The following EXOC4 variants were observed in gnomAD, a reference collection of about 807,000 sequenced individuals.
EXOC4 encodes the protein SEC8-like 1.
In EXOC4, 71 loss-of-function variants were observed where a neutral mutation model predicts 107.2. The ratio of observed to expected loss-of-function variants is 0.66; its 90% CI spans 0.55 to 0.81. EXOC4 has a LOEUF of 0.81. Ranked by LOEUF, EXOC4 falls within the 30% of genes least tolerant of loss-of-function variation. EXOC4 has a pLI of 0.00. For synonymous variants in EXOC4, 456 were observed against 441.2 expected, an observed-to-expected ratio of 1.03 and a Z score of -0.42; for missense variants, 1,108 against 1,189.6, an observed-to-expected ratio of 0.93 and a Z score of 1.01.
intron 7 of EXOC4, among the ~76,000 whole-genome samples, chr7:133,394,635 A>G (rs771929473): frequency 6.6e-6 from 1 of 152,182 alleles, no homozygotes; most frequent in Non-Finnish European, 1.5e-5. Context: ...ACAACTCCTG[A>G]CCTACTATAC....
At chr7:133,603,972 T>A (rs1801871713) in intron 9 of EXOC4, among the ~76,000 whole-genome samples, 2 of 152,186 alleles carry the variant, frequency 1.3e-5, no homozygotes, top group Admixed American at 1.3e-4. Flanking sequence ...TTTCATTATA[T>A]CCTTATTCTG....
chr7:133,679,481 G>A, intron 10 of EXOC4, among the ~76,000 whole-genome samples: 1 of 152,080 alleles, frequency 6.6e-6, no homozygotes, highest in Admixed American at 6.6e-5. Context: ...GCTGCTGAGA[G>A]CAGAGCCTTT....
intron 15 of EXOC4, among the ~76,000 whole-genome samples, chr7:134,001,896 A>G (rs1410355778): frequency 6.6e-6 from 1 of 152,214 alleles, no homozygotes; most frequent in Non-Finnish European, 1.5e-5. Context: ...GTCTCATGCT[A>G]TTTTACATGG....
intron 9 of EXOC4, among the ~76,000 whole-genome samples, chr7:133,523,265 T>C (rs983698178): frequency 2.6e-5 from 4 of 152,274 alleles, no homozygotes; most frequent in African/African-American, 9.6e-5. Flanking sequence ...ATATTTTAAA[T>C]TCAGTAAGGA....
chr7:134,048,302 A>G (rs1563104007), intron 17 of EXOC4, among the ~76,000 whole-genome samples: 5 of 152,170 alleles, frequency 3.3e-5, no homozygotes, highest in East Asian at 1.9e-4. Flanking sequence ...CTTGTAGGTA[A>G]TTTTTTAGTC....
At chr7:134,048,859 G>A (rs1795718405) in intron 17 of EXOC4, among the ~76,000 whole-genome samples, 1 of 152,080 alleles carries the variant, frequency 6.6e-6, no homozygotes, top group South Asian at 2.1e-4. Flanking sequence ...GATTGGCGTG[G>A]TCTGGTACTA....
intron 2 of EXOC4, 140 bp downstream of exon 2, chr7:133,275,311 C>T: frequency 3.2e-6 from 2 of 621,162 alleles, no homozygotes; most frequent in South Asian, 1.1e-4. Flanking sequence ...CTGCAGGTGT[C>T]TGGAAAGGCT....
At chr7:133,294,654 C>A (rs1234189423) in intron 3 of EXOC4, among the ~76,000 whole-genome samples, 2 of 152,038 alleles carry the variant, frequency 1.3e-5, no homozygotes, top group Non-Finnish European at 2.9e-5. Flanking sequence ...TCCCAGAGTG[C>A]TTTGCTGAGA....
chr7:133,922,709 G>A (rs1799963232), intron 13 of EXOC4, among the ~76,000 whole-genome samples: 1 of 152,112 alleles, frequency 6.6e-6, no homozygotes, highest in Non-Finnish European at 1.5e-5. Context: ...TTAGCCGGGT[G>A]TGGTGGCAGG....
intron 10 of EXOC4, among the ~76,000 whole-genome samples, chr7:133,766,685 A>G (rs1390870588): frequency 6.6e-6 from 1 of 151,970 alleles, no homozygotes; most frequent in Non-Finnish European, 1.5e-5. Flanking sequence ...CTGATCACCT[A>G]CTATAGAAGA....
intron 11 of EXOC4, among the ~76,000 whole-genome samples, chr7:133,825,835 T>C (rs1391476467): frequency 6.6e-6 from 1 of 152,042 alleles, no homozygotes; most frequent in African/African-American, 2.4e-5. Context: ...AGAGAACTGA[T>C]CAATTGATTT....
At chr7:133,311,914 G>T (rs1425351204) in intron 4 of EXOC4, among the ~76,000 whole-genome samples, 1 of 152,104 alleles carries the variant, frequency 6.6e-6, no homozygotes, top group Non-Finnish European at 1.5e-5. Context: ...TTCATAAGAT[G>T]ATCAAAATCA....
chr7:133,821,977 G>A (rs535044299), intron 11 of EXOC4, among the ~76,000 whole-genome samples: 1 of 152,314 alleles, frequency 6.6e-6, no homozygotes, highest in East Asian at 1.9e-4. Context: ...GTTTAAGATA[G>A]TTAATGGTGC....
At chr7:134,006,561 T>G (rs1794647037) in intron 16 of EXOC4, among the ~76,000 whole-genome samples, 8 of 152,134 alleles carry the variant, frequency 5.3e-5, no homozygotes, top group Admixed American at 5.2e-4. Flanking sequence ...TACTTTCACC[T>G]TAATCAAGGG....
intron 17 of EXOC4, among the ~76,000 whole-genome samples, chr7:134,017,593 C>G (rs1045488827): frequency 2.6e-5 from 4 of 152,088 alleles, no homozygotes; most frequent in African/African-American, 9.7e-5. Flanking sequence ...TCTGATCTCC[C>G]TTTTTTTACA....
intron 14 of EXOC4, among the ~76,000 whole-genome samples, chr7:133,939,234 G>A (rs887701872): frequency 5.9e-5 from 9 of 152,046 alleles, no homozygotes; most frequent in African/African-American, 1.9e-4. Flanking sequence ...TTTAATCACC[G>A]TCATTTGAGA....
At chr7:134,018,281 G>A (rs1794954463) in intron 17 of EXOC4, among the ~76,000 whole-genome samples, 2 of 152,182 alleles carry the variant, frequency 1.3e-5, no homozygotes, top group Admixed American at 1.3e-4. Context: ...TCTAAATAAA[G>A]ATGTAGTGTT....
chr7:133,370,079 A>G (rs1039694266), intron 6 of EXOC4, among the ~76,000 whole-genome samples: 3 of 151,990 alleles, frequency 2.0e-5, no homozygotes, highest in African/African-American at 4.8e-5. Context: ...GGCGTGAGCC[A>G]CTGTGCCTGG....
intron 11 of EXOC4, among the ~76,000 whole-genome samples, chr7:133,831,110 A>G (rs1585183040): frequency 6.6e-6 from 1 of 151,894 alleles, no homozygotes; most frequent in Non-Finnish European, 1.5e-5. Context: ...GATTACAGGC[A>G]CCCGCCACCA....
Sources: gnomAD v4.1 joint callset for allele counts (sites outside exome capture counted in the v4.1 genomes callset) on GRCh38, gnomAD v4.1.1 for gene constraint, MANE v1.5 for transcripts, NCBI Gene and HGNC (gene_info 2026-07-23, HGNC 2026-07-21) for gene names.